The following LRRC7 variants were observed in gnomAD, a reference collection of about 807,000 sequenced individuals.
LRRC7 encodes the protein leucine rich repeat containing 7, also known as leucine-rich repeat-containing protein 7.
In LRRC7, 23 loss-of-function variants were observed where a neutral mutation model predicts 175.7. The observed-to-expected ratio is 0.13, with a 90% CI of 0.09 to 0.19. The LOEUF is 0.19. Ranked by LOEUF, LRRC7 falls within the 10% of genes least tolerant of loss-of-function variation. The probability of loss-of-function intolerance (pLI) is 1.00; values close to 1 mark genes in which losing one functional copy is unlikely to be tolerated. For missense variants in LRRC7, 1,354 were observed against 1,904.7 expected (o/e 0.71, Z 5.38); for synonymous variants, 685 against 680.9 (o/e 1.01, Z -0.09).
intron 8 of LRRC7, among the ~76,000 whole-genome samples, chr1:69,931,873 A>G (rs1297421472): frequency 1.3e-5 from 2 of 152,198 alleles, no homozygotes; most frequent in Non-Finnish European, 2.9e-5. Flanking sequence ...AAATGAACTT[A>G]AAATGGTCAC....
intron 20 of LRRC7, among the ~76,000 whole-genome samples, chr1:70,037,150 A>G (rs1659395201): frequency 1.3e-5 from 2 of 152,238 alleles, no homozygotes; most frequent in Admixed American, 1.3e-4. Flanking sequence ...AACCACACAC[A>G]GAGCACAATA....
chr1:69,716,612 A>G (rs1447629168), intron 2 of LRRC7, among the ~76,000 whole-genome samples: 1 of 151,878 alleles, frequency 6.6e-6, no homozygotes, highest in Non-Finnish European at 1.5e-5. Context: ...ATATTATTTT[A>G]TAATAATGCT....
At chr1:69,678,008 G>A (rs192762433) in intron 1 of LRRC7, among the ~76,000 whole-genome samples, 76 of 151,768 alleles carry the variant, frequency 5.0e-4, no homozygotes, top group Non-Finnish European at 1.0e-3. Context: ...CATCATGGAC[G>A]TTCCATTCAT....
chr1:69,722,138 C>T (rs1218798654), intron 2 of LRRC7, among the ~76,000 whole-genome samples: 1 of 150,656 alleles, frequency 6.6e-6, no homozygotes, highest in Non-Finnish European at 1.5e-5. Context: ...CCTATGTACA[C>T]ATATATATAT....
intron 7 of LRRC7, among the ~76,000 whole-genome samples, chr1:69,886,396 T>C (rs1268931544): frequency 1.3e-5 from 2 of 151,266 alleles, no homozygotes. Flanking sequence ...TCTTTTGATC[T>C]TTGTTGGTTT....
At chr1:70,013,520 C>A (rs151238225) in intron 13 of LRRC7, among the ~76,000 whole-genome samples, 10 of 152,006 alleles carry the variant, frequency 6.6e-5, no homozygotes, top group Admixed American at 3.3e-4. Flanking sequence ...TGTATATTTT[C>A]AATTCCATCA....
chr1:69,853,491 C>A (rs939193728), intron 7 of LRRC7, among the ~76,000 whole-genome samples: 2 of 151,952 alleles, frequency 1.3e-5, no homozygotes, highest in East Asian at 1.9e-4. Flanking sequence ...GTTGGCCAGG[C>A]TGGTCTCAAA....
chr1:69,580,937 A>T (rs979765719), intron 1 of LRRC7, among the ~76,000 whole-genome samples: 1 of 152,186 alleles, frequency 6.6e-6, no homozygotes, highest in Non-Finnish European at 1.5e-5. Flanking sequence ...CTCTAAGATG[A>T]TAGAAGTTAG....
At chr1:69,834,719 T>A in intron 5 of LRRC7, 61 bp from the exon 6 acceptor site, 1 of 1,234,782 alleles carries the variant, frequency 8.1e-7, no homozygotes, top group East Asian at 2.4e-5. Flanking sequence ...GATACATATT[T>A]TTTTTGTTCT....
chr1:70,097,852 A>G (rs1054696045), intron 25 of LRRC7, among the ~76,000 whole-genome samples: 1 of 148,706 alleles, frequency 6.7e-6, no homozygotes, highest in Non-Finnish European at 1.5e-5. Flanking sequence ...TTCTTAATCC[A>G]GTCTATCATT....
intron 15 of LRRC7, among the ~76,000 whole-genome samples, chr1:70,019,034 A>G (rs1657210067): frequency 6.6e-6 from 1 of 152,024 alleles, no homozygotes; most frequent in Non-Finnish European, 1.5e-5. Flanking sequence ...CTTCATCTTT[A>G]TATCTTACAT....
chr1:69,866,759 C>T (rs1684987547), intron 7 of LRRC7, among the ~76,000 whole-genome samples: 2 of 152,120 alleles, frequency 1.3e-5, no homozygotes. Flanking sequence ...ATTAGTGCTC[C>T]TTTGGTAATG....
intron 7 of LRRC7, chr1:69,873,728 A>G: frequency 4.7e-6 from 1 of 213,170 alleles, no homozygotes; most frequent in Middle Eastern, 1.7e-3. Context: ...AAGTTTAACG[A>G]TGACATTTCT....
At chr1:69,594,630 A>C (rs975349487) in intron 1 of LRRC7, among the ~76,000 whole-genome samples, 1 of 152,176 alleles carries the variant, frequency 6.6e-6, no homozygotes, top group Admixed American at 6.5e-5. Flanking sequence ...CTCCATCCGT[A>C]CAGACTTTCA....
At chr1:69,919,960 G>A (rs1646835943) in intron 7 of LRRC7, 2 of 573,884 alleles carry the variant, frequency 3.5e-6, no homozygotes, top group Non-Finnish European at 6.3e-6. Flanking sequence ...CTGGGAGGGG[G>A]CCCTTCCAGA....
At chr1:69,755,403 AG>A (rs1334672364) in intron 2 of LRRC7, among the ~76,000 whole-genome samples, 1 of 148,998 alleles carries the variant, frequency 6.7e-6, no homozygotes, top group Non-Finnish European at 1.5e-5. Context: ...TATATGCAAA[AG>A]TATATATATA....
chr1:69,838,396 A>G, intron 7 of LRRC7, 113 bp downstream of exon 7: 1 of 823,306 alleles, frequency 1.2e-6, no homozygotes. Flanking sequence ...TTATCTACAC[A>G]TTTTTCCTAA....
chr1:70,029,071 C>T (rs1658429574), intron 18 of LRRC7, among the ~76,000 whole-genome samples: 1 of 152,110 alleles, frequency 6.6e-6, no homozygotes, highest in South Asian at 2.1e-4. Context: ...AACTACTTCT[C>T]CAAAATCTAG....
intron 7 of LRRC7, among the ~76,000 whole-genome samples, chr1:69,912,752 AG>A (rs1166275349): frequency 1.3e-5 from 2 of 152,260 alleles, no homozygotes; most frequent in African/African-American, 4.8e-5. Context: ...AAGACTATAT[AG>A]AAAGTAATAA....
Sources: allele counts gnomAD v4.1 joint callset (sites outside exome capture counted in the v4.1 genomes callset), GRCh38; gene constraint gnomAD v4.1.1; transcripts MANE v1.5; gene names NCBI Gene and HGNC (gene_info 2026-07-23, HGNC 2026-07-21).